COG3: variants seen among roughly 807,000 people sequenced by gnomAD.
COG3 encodes conserved oligomeric Golgi complex subunit 3.
A neutral mutation model predicts 114.1 loss-of-function variants in COG3; 32 were observed. The ratio of observed to expected loss-of-function variants is 0.28; its 90% CI spans 0.21 to 0.38. The LOEUF is 0.38. Ranked by LOEUF, COG3 falls within the 10% of genes least tolerant of loss-of-function variation. The pLI, the probability that COG3 is intolerant of heterozygous loss-of-function variation, is 1.00. For synonymous variants in COG3, 352 were observed against 365.7 expected (o/e 0.96, Z 0.43); for missense variants, 813 against 973.2 (o/e 0.84, Z 2.19).
At chr13:45,474,151 C>CTTTTTT (rs10558884) in intron 1 of COG3, among the ~76,000 whole-genome samples, 103 of 81,982 alleles carry the variant, frequency 1.3e-3, no homozygotes, top group African/African-American at 2.5e-3. Flanking sequence ...CTTTTTTACT[C>CTTTTTT]TTTTTTTTTT....
Position 45,530,749 on chromosome 13 carries a change from T to C in COG3, c.2426T>C (p.Ile809Thr). 6.2e-7 allele frequency: 1 copy of C among 1,613,204 alleles called. No individual in the cohort carries two copies. The highest frequency in any genetic ancestry group is 8.5e-7 in the Non-Finnish European group (1 of 1,179,192). The change falls in exon 22 of 23, where the codon ATC becomes ACC. Residue 809 changes from isoleucine (I) to threonine (T), a missense_variant. Physicochemically the swap from Ile to Thr is moderately conservative, Grantham distance 89. This residue lies in a region of COG3 where 389 missense variants were observed against 542.6 expected (regional missense o/e 0.72). Coordinates refer to ENST00000349995, the MANE Select transcript of COG3 (RefSeq NM_031431.4). ...AAGGAAGAGTTCAGCCCTGAAGACA[T>C]CCAGATCATTGCCTGTCCATCTATG... ...LLKEEFSPEDIQIIACPSMEQ... is the reference protein window; with the variant it reads ...LLKEEFSPEDTQIIACPSMEQ...
intron 2 of COG3, among the ~76,000 whole-genome samples, chr13:45,478,196 CT>C (rs61454845): frequency 0.69 from 95,862 of 139,070 alleles, 34,261 homozygotes; most frequent in Admixed American, 0.8. Flanking sequence ...CTGAAATGGC[CT>C]TTTTTTTTTT....
intron 21 of COG3, 25 bp from the exon 22 acceptor site, chr13:45,530,657 A>C (rs1381279164): frequency 7.2e-7 from 1 of 1,381,074 alleles, no homozygotes; most frequent in Non-Finnish European, 1.0e-6. Flanking sequence ...CTCATTTGAT[A>C]AGATCTCCTC....
At chr13:45,474,398 G>C (rs1176327477) in intron 1 of COG3, among the ~76,000 whole-genome samples, 1 of 151,896 alleles carries the variant, frequency 6.6e-6, no homozygotes, top group Admixed American at 6.6e-5. Context: ...TCCTGACCTC[G>C]TGATCCGCCC....
chr13:45,472,433 G>C (rs890470861), intron 1 of COG3, among the ~76,000 whole-genome samples: 5 of 151,994 alleles, frequency 3.3e-5, no homozygotes, highest in Non-Finnish European at 5.9e-5. Context: ...GTTCTCACTT[G>C]TTCTGCTTCT....
chr13:45,519,149 C>G (rs3818456), intron 19 of COG3, 55 bp downstream of exon 19: 600,523 of 1,588,398 alleles, frequency 0.38, 117,274 homozygotes, highest in Admixed American at 0.44. Flanking sequence ...CCTTAGATTT[C>G]CTTTTGAATT....
rs868192724 is a variant in COG3, at chr13:45,500,055, T to A, written c.1489-3189T>A. ...ATATATATGTATGTGTGTGTGTGTG[T>A]GTGTGTGTGTGAGTGTGTGTGTGTG... On this transcript the variant is annotated intron_variant, in intron 13 of 22. Transcript: ENST00000349995. Among the ~76,000 whole-genome samples the A allele has an allele frequency of 1.0e-4, 11 of 105,712 alleles. No individual in the cohort carries two copies. In the South Asian group the frequency reaches 2.8e-3, roughly 27 times the overall value. 69.4% of individuals were successfully genotyped at this position (105,712 alleles called of 152,430 possible).
chr13:45,480,303 AAG>A lies in COG3; in HGVS notation c.549+20_549+21del, dbSNP rs755963791. Reference sequence around the variant, plus strand: ...CCTAAAAGAACAGGTAATTTGGAGTAAGAGAGAGGATCAGTCATTATATTTAA... The same window carrying A: ...CCTAAAAGAACAGGTAATTTGGAGTAAGAGAGGATCAGTCATTATATTTAA... On this transcript the variant is annotated intron_variant, in intron 4 of 22. Coordinates refer to ENST00000349995, the MANE Select transcript of COG3 (RefSeq NM_031431.4). The A allele has an allele frequency of 7.0e-6, 11 of 1,567,880 alleles. 1 individual carries two copies. In the South Asian group the frequency reaches 1.3e-4, roughly 18 times the overall value.
rs527981026 is a variant in COG3, at chr13:45,487,376, CA to C, written c.924+806del. Reference sequence around the variant, plus strand: ...ACTTCAAAAGCATAGGCAACAAAAACAAAAATAGACAAATGGGACTATAATA... The same window carrying C: ...ACTTCAAAAGCATAGGCAACAAAAACAAAATAGACAAATGGGACTATAATA... On this transcript the variant is annotated intron_variant, in intron 8 of 22. Coordinates refer to ENST00000349995, the MANE Select transcript of COG3 (RefSeq NM_031431.4). Among the ~76,000 whole-genome samples the C allele has an allele frequency of 1.4e-3, 220 of 152,214 alleles. 2 individuals are homozygous for C. Among genetic ancestry groups the C allele is most frequent in the African/African-American group, 4.5e-3 (186 of 41,548 alleles).
At position 45,500,090 on chromosome 13, in the gene COG3, GTGTGTATATATATATA is replaced by G. The variant is rs1418324617; in HGVS notation, c.1489-3152_1489-3137del. 2.6e-3 allele frequency among the ~76,000 whole-genome samples: 109 copies of G among 42,730 alleles called. 1 individual carries two copies. The highest frequency in any genetic ancestry group is 6.2e-3 in the African/African-American group (101 of 16,364). 28.0% of individuals were successfully genotyped at this position (42,730 alleles called of 152,430 possible). A position where few individuals can be genotyped will look rare whatever the true frequency, so the allele number is the denominator to read the frequency against. On this transcript the variant is annotated intron_variant, in intron 13 of 22. Transcript: ENST00000349995. ...TGAGTGTGTGTGTGTGTGTGTGTGT[GTGTGTATATATATATA>G]TATATATATAAAAAAGAGGCCTGAT... is the stretch of plus-strand genomic sequence containing the variant.
rs141461284 is a variant in COG3, at chr13:45,506,763, C to T, written c.1595-2929C>T. Among the ~76,000 whole-genome samples the T allele has an allele frequency of 2.8e-3, 422 of 152,278 alleles. 6 individuals are homozygous for T. The highest frequency in any genetic ancestry group is 9.4e-3 in the African/African-American group (392 of 41,542). ...GTCATAATCACTTTTCCTGGTTTCC[C>T]GGTTCCCTGGTTCCCACCTCTAAAG... On this transcript the variant is annotated intron_variant, in intron 14 of 22. Transcript: ENST00000349995.
chr13:45,480,063 T>G (rs569824587), intron 3 of COG3, 62 bp from the exon 4 acceptor site: 3 of 1,428,746 alleles, frequency 2.1e-6, no homozygotes, highest in Admixed American at 4.3e-5. Flanking sequence ...CTTTGTTGTT[T>G]TTTTACTGTG....
At chr13:45,484,007 T>G (rs1886415293) in intron 7 of COG3, among the ~76,000 whole-genome samples, 1 of 152,102 alleles carries the variant, frequency 6.6e-6, no homozygotes, top group African/African-American at 2.4e-5. Context: ...AGGTGGAAAA[T>G]TAACAGAGTG....
At chr13:45,523,151 T>G (rs1222461802) in intron 19 of COG3, among the ~76,000 whole-genome samples, 5 of 10,132 alleles carry the variant, frequency 4.9e-4, no homozygotes, top group Non-Finnish European at 2.0e-3. Context: ...TTAAAAGTGT[T>G]TTTTTTTTTT....
chr13:45,530,771 T>C lies in COG3; in HGVS notation c.2448T>C (p.Ser816=). The C allele has an allele frequency of 6.2e-7, 1 of 1,608,826 alleles. No homozygotes were observed. Among genetic ancestry groups the C allele is most frequent in the East Asian group, 2.2e-5 (1 of 44,842 alleles). The change falls in exon 22 of 23, where the codon TCT becomes TCC. Residue 816 remains serine, a synonymous_variant. Coordinates refer to ENST00000349995, the MANE Select transcript of COG3 (RefSeq NM_031431.4). ...PEDIQIIACP[S]MEQLSLLLLV... The stretch of plus-strand genomic sequence containing the variant: ...ACATCCAGATCATTGCCTGTCCATC[T>C]ATGGAACAGGTAATGGGTAGACTGA...
chr13:45,502,703 C>T (rs1384879306), intron 13 of COG3, among the ~76,000 whole-genome samples: 2 of 151,812 alleles, frequency 1.3e-5, no homozygotes, highest in Non-Finnish European at 2.9e-5. Context: ...GTGGTGATTT[C>T]TGAGACTTTA....
Position 45,535,834 on chromosome 13 carries a change from TG to T in COG3, c.*1105del. ...TTCCAACAAATTCCTACTTCCTGAT[TG>T]GATTGGTTTTGCCGCTGATGTTAAG... On this transcript the variant is annotated 3_prime_UTR_variant, in exon 23 of 23. Transcript: ENST00000349995. 1.0e-6 allele frequency: 1 copy of T among 987,600 alleles called. No homozygotes were observed. The highest frequency in any genetic ancestry group is 1.1e-4 in the East Asian group (1 of 8,812). 61.2% of individuals were successfully genotyped at this position (987,600 alleles called of 1,614,324 possible). A position where few individuals can be genotyped will look rare whatever the true frequency, so the allele number is the denominator to read the frequency against.
At position 45,480,310 on chromosome 13, in the gene COG3, A is replaced by C; in HGVS notation, c.549+20A>C. ...GAACAGGTAATTTGGAGTAAGAGAGAGGATCAGTCATTATATTTAATATTT... is the reference window on the plus strand; with the variant it reads ...GAACAGGTAATTTGGAGTAAGAGAGCGGATCAGTCATTATATTTAATATTT... On this transcript the variant is annotated intron_variant, in intron 4 of 22. Coordinates refer to ENST00000349995, the MANE Select transcript of COG3 (RefSeq NM_031431.4). 1 of 1,524,076 alleles carries C rather than the reference A, an allele frequency of 6.6e-7. No homozygotes were observed. Among genetic ancestry groups the C allele is most frequent in the Non-Finnish European group, 9.0e-7 (1 of 1,116,088 alleles). The allele number at this position is 1,524,076 out of a possible 1,614,324, so 94.4% of individuals were successfully genotyped here.
At chr13:45,505,458 C>T (rs1373574295) in intron 14 of COG3, among the ~76,000 whole-genome samples, 3 of 151,316 alleles carry the variant, frequency 2.0e-5, no homozygotes, top group Non-Finnish European at 4.4e-5. Context: ...CACACCAGCA[C>T]GCCCAGATAA....
Sources: gnomAD v4.1 joint callset for allele counts (sites outside exome capture counted in the v4.1 genomes callset) on GRCh38, gnomAD v4.1.1 for gene constraint, gnomAD v4.1.1 regional missense constraint, MANE v1.5 for transcripts, NCBI Gene and HGNC (gene_info 2026-07-23, HGNC 2026-07-21) for gene names.